Variants in DENND5B observed in about 807,000 individuals in gnomAD.
DENND5B encodes the protein DENN domain-containing protein 5B.
DENND5B carries 34 observed loss-of-function variants against 140.6 expected under a neutral mutation model. The observed-to-expected ratio is 0.24, with a 90% CI of 0.18 to 0.32. The LOEUF is 0.32. Ranked by LOEUF, DENND5B falls within the 10% of genes least tolerant of loss-of-function variation. DENND5B has a pLI of 1.00. For missense variants in DENND5B, 1,142 were observed against 1,560.2 expected (o/e 0.73, Z 4.52); for synonymous variants, 551 against 562.1 (o/e 0.98, Z 0.28).
intron 1 of DENND5B, among the ~76,000 whole-genome samples, chr12:31,570,480 T>C (rs1290477027): frequency 1.3e-5 from 2 of 150,284 alleles, no homozygotes; most frequent in African/African-American, 2.5e-5. Context: ...GGTTTTACCA[T>C]GTTAGCCAGG....
At position 31,528,593 on chromosome 12, in the gene DENND5B, C is replaced by A. The variant is rs561886092; in HGVS notation, c.128-32674G>T. ...TATTTTGAAGGGTGAGGCAATAATA[C>A]GAACAGACCAAACACGGAGTATGAT... is the stretch of plus-strand genomic sequence containing the variant. On this transcript the variant is annotated intron_variant, in intron 1 of 20. Transcript: ENST00000389082. Among the ~76,000 whole-genome samples, 154 of 152,172 alleles carry A rather than the reference C, an allele frequency of 1.0e-3. 1 individual carries two copies. The highest frequency in any genetic ancestry group is 3.6e-3 in the African/African-American group (148 of 41,516).
Position 31,460,897 on chromosome 12 carries a change from T to C in DENND5B, c.905-516A>G, listed in dbSNP as rs142475321. On this transcript the variant is annotated intron_variant, in intron 3 of 20. Coordinates refer to ENST00000389082, the MANE Select transcript of DENND5B (RefSeq NM_144973.4). The stretch of plus-strand genomic sequence containing the variant: ...CCCACCACCACACCAGGCTAATTTT[T>C]GTATTTTTCGTAGAGATGGGGATTC... 3.9e-3 allele frequency among the ~76,000 whole-genome samples: 598 copies of C among 152,096 alleles called. 7 individuals are homozygous for C. In the East Asian group the frequency reaches 0.049, roughly 13 times the overall value.
chr12:31,458,288 T>C (rs1353512283), intron 4 of DENND5B, among the ~76,000 whole-genome samples: 2 of 151,712 alleles, frequency 1.3e-5, no homozygotes, highest in African/African-American at 2.4e-5. Flanking sequence ...AAAGACAACA[T>C]ACATATAAAT....
In DENND5B at chr12:31,455,748, A is replaced by G. The variant is rs186529947; in HGVS notation, c.1093-3272T>C. Among the ~76,000 whole-genome samples the G allele has an allele frequency of 2.9e-4, 44 of 152,300 alleles. No homozygotes were observed. In the East Asian group the frequency reaches 6.2e-3, roughly 21 times the overall value. On this transcript the variant is annotated intron_variant, in intron 4 of 20. Coordinates refer to ENST00000389082, the MANE Select transcript of DENND5B (RefSeq NM_144973.4). ...TAAAAACAACAAAAGTGGGCTGGGC[A>G]TGGTGGCTCATGCCTGTAATCCCAG...
intron 1 of DENND5B, among the ~76,000 whole-genome samples, chr12:31,561,010 A>T (rs551869014): frequency 6.6e-6 from 1 of 152,296 alleles, no homozygotes; most frequent in African/African-American, 2.4e-5. Context: ...CTAAGATCAG[A>T]GGGAGTATTC....
chr12:31,570,308 ACT>A (rs1377349318), intron 1 of DENND5B, among the ~76,000 whole-genome samples: 1 of 147,830 alleles, frequency 6.8e-6, no homozygotes, highest in African/African-American at 2.5e-5. Context: ...ACGGAGTCTC[ACT>A]CTGTTGCCCA....
chr12:31,398,120 G>A (rs1941584387), intron 17 of DENND5B, 55 bp downstream of exon 17: 1 of 1,462,792 alleles, frequency 6.8e-7, no homozygotes, highest in Non-Finnish European at 9.2e-7. Flanking sequence ...TCTATCAAAT[G>A]GTCACATGAA....
rs1228575260 is a variant in DENND5B at position 31,387,592 on chromosome 12, A to G, written c.*11T>C. 8 of 1,610,344 alleles carry G rather than the reference A, an allele frequency of 5.0e-6. No homozygotes were observed. The highest frequency in any genetic ancestry group is 6.8e-6 in the Non-Finnish European group (8 of 1,177,140). On this transcript the variant is annotated 3_prime_UTR_variant, in exon 21 of 21. Coordinates refer to ENST00000389082, the MANE Select transcript of DENND5B (RefSeq NM_144973.4). ...AGCAAGGTTTGGACTGAGAGTTTCT[A>G]GCCAGTTGGGTTACACATCCACTCC... is the stretch of plus-strand genomic sequence containing the variant.
chr12:31,459,024 C>T (rs1442002957), intron 4 of DENND5B, among the ~76,000 whole-genome samples: 1 of 151,972 alleles, frequency 6.6e-6, no homozygotes, highest in East Asian at 1.9e-4. Context: ...ACCAGCCTGA[C>T]CAACATGAAG....
At chr12:31,538,348 CAAT>C (rs1243499436) in intron 1 of DENND5B, among the ~76,000 whole-genome samples, 1 of 151,630 alleles carries the variant, frequency 6.6e-6, no homozygotes, top group Non-Finnish European at 1.5e-5. Context: ...AACTAGAGAT[CAAT>C]AATAAGTGGA....
Position 31,590,737 on chromosome 12 carries a change from C to T in DENND5B, c.96G>A (p.Ala32=). Residue 32 remains alanine (A), a synonymous_variant, in exon 1 of 21, where the codon GCG becomes GCA. Transcript: ENST00000389082. ...GCTCGTCAGGCTCCAGCCCGCTGTC[C>T]GCGTCGATCCCGCACAGCACGAAGT... is the stretch of plus-strand genomic sequence containing the variant. ...AHYFVLCGID[A]DSGLEPDELA... The T allele has an allele frequency of 6.8e-7, 1 of 1,475,932 alleles. No homozygotes were observed. The highest frequency in any genetic ancestry group is 8.9e-7 in the Non-Finnish European group (1 of 1,119,502). The allele number at this position is 1,475,932 out of a possible 1,614,324, so 91.4% of individuals were successfully genotyped here. A position where few individuals can be genotyped will look rare whatever the true frequency, so the allele number is the denominator to read the frequency against.
intron 1 of DENND5B, among the ~76,000 whole-genome samples, chr12:31,516,455 C>CA (rs1947650195): frequency 9.3e-6 from 1 of 107,790 alleles, no homozygotes; most frequent in Non-Finnish European, 1.8e-5. Flanking sequence ...CTAGCCTGGA[C>CA]AATAAGAGTG....
chr12:31,409,575 T>A (rs779202146), intron 13 of DENND5B, among the ~76,000 whole-genome samples, 191 bp from the exon 14 acceptor site: 2 of 151,448 alleles, frequency 1.3e-5, no homozygotes, highest in African/African-American at 2.4e-5. Context: ...GCCTCCTGGG[T>A]TCAAGTGATT....
At chr12:31,557,024 T>A (rs1382260109) in intron 1 of DENND5B, among the ~76,000 whole-genome samples, 2 of 152,160 alleles carry the variant, frequency 1.3e-5, no homozygotes, top group East Asian at 3.8e-4. Context: ...AATAAGGATA[T>A]ACCTGTAAAT....
rs148193944 is a variant in DENND5B at position 31,524,041 on chromosome 12, CTTTTTTTTTT to C, written c.128-28132_128-28123del. On this transcript the variant is annotated intron_variant, in intron 1 of 20. Transcript: ENST00000389082. ...TCTTTTAAGTGAAAACTACTGAGCC[CTTTTTTTTTT>C]TTTTTTTTTTTTAGATCATGTCATA... Among the ~76,000 whole-genome samples the C allele has an allele frequency of 1.3e-3, 155 of 121,548 alleles. 2 individuals carry two copies. Among genetic ancestry groups the C allele is most frequent in the African/African-American group, 4.9e-3 (154 of 31,256 alleles). 79.7% of individuals were successfully genotyped at this position (121,548 alleles called of 152,430 possible).
chr12:31,429,657 A>G (rs1274722741), intron 8 of DENND5B, among the ~76,000 whole-genome samples: 1 of 145,408 alleles, frequency 6.9e-6, no homozygotes, highest in African/African-American at 2.5e-5. Flanking sequence ...GATCCACTCA[A>G]CTTGGCCTCC....
At chr12:31,520,321 T>C (rs900336167) in intron 1 of DENND5B, among the ~76,000 whole-genome samples, 1 of 152,180 alleles carries the variant, frequency 6.6e-6, no homozygotes, top group Non-Finnish European at 1.5e-5. Context: ...TTCCAAAATA[T>C]GGGAAGACAA....
At chr12:31,423,704 A>C (rs745639450) in intron 10 of DENND5B, 29 bp from the exon 11 acceptor site, 2 of 1,594,202 alleles carry the variant, frequency 1.3e-6, no homozygotes, top group African/African-American at 1.3e-5. Context: ...TAAAAATTTC[A>C]TAAGAAATAA....
At chr12:31,542,145 G>A (rs1180659146) in intron 1 of DENND5B, among the ~76,000 whole-genome samples, 1 of 152,086 alleles carries the variant, frequency 6.6e-6, no homozygotes, top group African/African-American at 2.4e-5. Flanking sequence ...AAAATTAGCT[G>A]GGCGTGGTGG....
Sources: gnomAD v4.1 joint callset for allele counts (sites outside exome capture counted in the v4.1 genomes callset) on GRCh38, gnomAD v4.1.1 for gene constraint, MANE v1.5 for transcripts, NCBI Gene and HGNC (gene_info 2026-07-23, HGNC 2026-07-21) for gene names.